PTER: variants seen among roughly 807,000 people sequenced by gnomAD.
PTER encodes N-acetyltaurine hydrolase.
In PTER, 38 loss-of-function variants were observed where a neutral mutation model predicts 29.6. The ratio of observed to expected loss-of-function variants is 1.28; its 90% confidence interval spans 0.99 to 1.68. The LOEUF (loss-of-function observed/expected upper bound fraction) is 1.68. Ranked by LOEUF, PTER falls within the 40% of genes most tolerant of loss-of-function variation. The pLI is 0.00. For synonymous variants in PTER, 172 were observed against 154.5 expected (o/e 1.11, Z -0.84); for missense variants, 482 against 427.8 (o/e 1.13, Z -1.12).
chr10:16,487,033 G>A (rs1023619377), intron 3 of PTER, among the ~76,000 whole-genome samples: 2 of 152,170 alleles, frequency 1.3e-5, no homozygotes, highest in Non-Finnish European at 1.5e-5. Context: ...AATGTCAATG[G>A]TTTCACCCAG....
Position 16,472,344 on chromosome 10 carries a change from T to G in PTER, c.-48-11993T>G, listed in dbSNP as rs558183511. Among the ~76,000 whole-genome samples, 4 of 152,312 alleles carry G rather than the reference T, an allele frequency of 2.6e-5. No homozygotes were observed. In the East Asian group the frequency reaches 7.7e-4, roughly 29 times the overall value. ...CTGTGTCCCCACCCACATCTCACCTTGAATTGTAATAATCCCCATGTGTCA... is the reference window on the plus strand; with the variant it reads ...CTGTGTCCCCACCCACATCTCACCTGGAATTGTAATAATCCCCATGTGTCA... On this transcript the variant is annotated intron_variant, in intron 1 of 4. Transcript: ENST00000535784.
intron 1 of PTER, among the ~76,000 whole-genome samples, chr10:16,441,525 A>C (rs1278893976): frequency 6.6e-6 from 1 of 152,214 alleles, no homozygotes; most frequent in African/African-American, 2.4e-5. Flanking sequence ...GTTAAACAGA[A>C]GGCAAGCCGG....
At chr10:16,452,545 ATCTG>A (rs1834251396) in intron 1 of PTER, among the ~76,000 whole-genome samples, 1 of 151,920 alleles carries the variant, frequency 6.6e-6, no homozygotes, top group Admixed American at 6.6e-5. Context: ...CAAGCACTCC[ATCTG>A]TCTAAGCCTC....
intron 1 of PTER, among the ~76,000 whole-genome samples, chr10:16,466,568 C>T (rs764922818): frequency 2.0e-5 from 3 of 152,182 alleles, no homozygotes; most frequent in Non-Finnish European, 2.9e-5. Flanking sequence ...GTTGGCCAGG[C>T]TGGTCTCAAA....
At chr10:16,465,238 A>ATGCTT (rs1277180552) in intron 1 of PTER, among the ~76,000 whole-genome samples, 20 of 114,316 alleles carry the variant, frequency 1.7e-4, no homozygotes, top group Non-Finnish European at 2.8e-4. Context: ...GACTCATTGA[A>ATGCTT]TGCTTACCAT....
At chr10:16,514,168 T>C (rs1836911317), downstream of PTER, 4 of 398,890 alleles carry the variant, frequency 1.0e-5, no homozygotes, top group Non-Finnish European at 1.3e-5. Flanking sequence ...AGCTGACATA[T>C]GGATAAAAGC....
chr10:16,446,367 C>T (rs1183925181), intron 1 of PTER, among the ~76,000 whole-genome samples: 2 of 152,068 alleles, frequency 1.3e-5, no homozygotes, highest in African/African-American at 2.4e-5. Context: ...TAAAGGCGTG[C>T]ACCACAATGC....
intron 1 of PTER, among the ~76,000 whole-genome samples, chr10:16,441,253 G>A (rs556856790): frequency 6.6e-6 from 1 of 152,268 alleles, no homozygotes; most frequent in African/African-American, 2.4e-5. Flanking sequence ...CAATACAGAG[G>A]AATGTTCGTG....
chr10:16,467,500 C>T (rs556106607), intron 1 of PTER, among the ~76,000 whole-genome samples: 2 of 152,174 alleles, frequency 1.3e-5, no homozygotes, highest in African/African-American at 4.8e-5. Context: ...TAGTTGGGTA[C>T]AGAATAATAA....
chr10:16,490,153 G>T (rs1407287335), intron 3 of PTER, among the ~76,000 whole-genome samples: 1 of 152,130 alleles, frequency 6.6e-6, no homozygotes, highest in Non-Finnish European at 1.5e-5. Context: ...TACTTCCGCA[G>T]AATCATCTAT....
rs560568755 is a variant in PTER at position 16,477,295 on chromosome 10, G to GATAGATAGATAGATAA, written c.-48-7036_-48-7035insAGATAGATAAATAGAT. Among the ~76,000 whole-genome samples the GATAGATAGATAGATAA allele has an allele frequency of 9.1e-4, 130 of 143,516 alleles. 2 individuals are homozygous for GATAGATAGATAGATAA. The highest frequency in any genetic ancestry group is 6.9e-3 in the Middle Eastern group (2 of 290). The allele number at this position is 143,516 out of a possible 152,430, so 94.2% of individuals were successfully genotyped here. A position where few individuals can be genotyped will look rare whatever the true frequency, so the allele number is the denominator to read the frequency against. On this transcript the variant is annotated intron_variant, in intron 1 of 4. Coordinates refer to ENST00000535784, the MANE Select transcript of PTER (RefSeq NM_001261836.2). ...AGATAGATAGATAGATAGATAGATA[G>GATAGATAGATAGATAA]ATAGATGGATGTCTGTCTGTCTGCA...
In PTER at chr10:16,484,319, T is replaced by G; in HGVS notation, c.-48-18T>G. ...AAATATTCTGATTGTAGTTGTTTGT[T>G]TGTTTGTTTGTTTTTAGAAAAAAGA... On this transcript the variant is annotated intron_variant, in intron 1 of 4. Coordinates refer to ENST00000535784, the MANE Select transcript of PTER (RefSeq NM_001261836.2). 1 of 1,399,402 alleles carries G rather than the reference T, an allele frequency of 7.1e-7. No homozygotes were observed. Among genetic ancestry groups the G allele is most frequent in the Admixed American group, 2.3e-5 (1 of 43,986 alleles). The allele number at this position is 1,399,402 out of a possible 1,614,324, so 86.7% of individuals were successfully genotyped here. A position where few individuals can be genotyped will look rare whatever the true frequency, so the allele number is the denominator to read the frequency against.
Position 16,501,227 on chromosome 10 carries a change from A to G in PTER, c.699-3793A>G, listed in dbSNP as rs570107118. The stretch of plus-strand genomic sequence containing the variant: ...ATTACAGGTGTGAGCCCCCATGCTC[A>G]GCCAATATTTGTAATATTCATTTCT... On this transcript the variant is annotated intron_variant, in intron 3 of 4. Coordinates refer to ENST00000535784, the MANE Select transcript of PTER (RefSeq NM_001261836.2). Among the ~76,000 whole-genome samples the G allele has an allele frequency of 2.1e-3, 316 of 152,164 alleles. 1 individual carries two copies. The highest frequency in any genetic ancestry group is 7.2e-3 in the African/African-American group (301 of 41,530).
At chr10:16,492,558 A>G (rs1485186558) in intron 3 of PTER, among the ~76,000 whole-genome samples, 1 of 152,204 alleles carries the variant, frequency 6.6e-6, no homozygotes, top group Admixed American at 6.5e-5. Flanking sequence ...AGGTATTTTT[A>G]TGACGACAAA....
At chr10:16,442,680 A>T (rs1384923124) in intron 1 of PTER, among the ~76,000 whole-genome samples, 1 of 152,078 alleles carries the variant, frequency 6.6e-6, no homozygotes, top group Non-Finnish European at 1.5e-5. Flanking sequence ...TTCTCACTTT[A>T]TAAATTCAGA....
intron 1 of PTER, among the ~76,000 whole-genome samples, chr10:16,483,123 T>C (rs1012276157): frequency 6.6e-5 from 10 of 152,176 alleles, no homozygotes; most frequent in Admixed American, 4.6e-4. Context: ...AAAGGAAATG[T>C]ACTTTTAAAG....
At position 16,511,396 on chromosome 10, in the gene PTER, G is replaced by T. The variant is rs1452957350; in HGVS notation, c.*140G>T. 3.9e-6 allele frequency: 3 copies of T among 777,438 alleles called. No individual in the cohort carries two copies. The highest frequency in any genetic ancestry group is 3.4e-5 in the South Asian group (2 of 58,382). The allele number at this position is 777,438 out of a possible 1,614,324, so 48.2% of individuals were successfully genotyped here. A position where few individuals can be genotyped will look rare whatever the true frequency, so the allele number is the denominator to read the frequency against. ...CTTCTGATGAGAACTAGGAGGGTTT[G>T]CCTTCTCTGAGACCAGCTATTACAA... On this transcript the variant is annotated 3_prime_UTR_variant, in exon 5 of 5. Transcript: ENST00000535784.
At chr10:16,442,436 T>C (rs573511291) in intron 1 of PTER, among the ~76,000 whole-genome samples, 126 of 152,332 alleles carry the variant, frequency 8.3e-4, no homozygotes, top group Non-Finnish European at 1.5e-3. Context: ...TCAGAGCCCA[T>C]GCCCTGAGCT....
chr10:16,511,321 T>C lies in PTER; in HGVS notation c.*65T>C. 1.4e-6 allele frequency: 2 copies of C among 1,394,682 alleles called. No individual in the cohort carries two copies. Among genetic ancestry groups the C allele is most frequent in the Non-Finnish European group, 2.0e-6 (2 of 986,938 alleles). The allele number at this position is 1,394,682 out of a possible 1,614,324, so 86.4% of individuals were successfully genotyped here. A position where few individuals can be genotyped will look rare whatever the true frequency, so the allele number is the denominator to read the frequency against. ...GCAGAGAACATTCAGCGATTTCCAGTCCACTGTGAGATATTAATCAGTTAC... is the reference window on the plus strand; with the variant it reads ...GCAGAGAACATTCAGCGATTTCCAGCCCACTGTGAGATATTAATCAGTTAC... On this transcript the variant is annotated 3_prime_UTR_variant, in exon 5 of 5. Transcript: ENST00000535784.
Sources: gnomAD v4.1 joint callset for allele counts (sites outside exome capture counted in the v4.1 genomes callset) on GRCh38, gnomAD v4.1.1 for gene constraint, MANE v1.5 for transcripts, NCBI Gene and HGNC (gene_info 2026-07-23, HGNC 2026-07-21) for gene names.